Variants in MYO1E observed in about 807,000 individuals in gnomAD.
MYO1E encodes myosin IE, also known as unconventional myosin-Ie.
Under a neutral mutation model 151.1 loss-of-function variants are expected in MYO1E, and 68 were observed. That is an observed-to-expected ratio of 0.45 (90% CI 0.37 to 0.55). MYO1E has a LOEUF of 0.55. Among genes scored for constraint, MYO1E ranks in the 20% least tolerant of loss-of-function variants. MYO1E has a pLI of 0.00. For synonymous variants in MYO1E, 601 were observed against 501.7 expected, an observed-to-expected ratio of 1.20 and a Z score of -2.64; for missense variants, 1,363 against 1,389.3, an observed-to-expected ratio of 0.98 and a Z score of 0.30.
chr15:59,178,326 G>T, intron 19 of MYO1E, 67 bp downstream of exon 19: 6 of 1,581,324 alleles, frequency 3.8e-6, no homozygotes, highest in Non-Finnish European at 5.2e-6. Flanking sequence ...AGCCAGCTGA[G>T]GGGTGGAGCA....
chr15:59,215,826 A>G (rs1182853458), intron 10 of MYO1E, among the ~76,000 whole-genome samples: 1 of 152,116 alleles, frequency 6.6e-6, no homozygotes, highest in African/African-American at 2.4e-5. Flanking sequence ...CCAGCGCTGG[A>G]AGGTGCTCTG....
intron 5 of MYO1E, among the ~76,000 whole-genome samples, chr15:59,234,480 A>G (rs1317476367): frequency 3.9e-5 from 6 of 152,132 alleles, no homozygotes; most frequent in Non-Finnish European, 5.9e-5. Flanking sequence ...GTTTGGCTCT[A>G]CCTTAAGCTT....
At chr15:59,340,033 T>C (rs1339197391) in intron 1 of MYO1E, among the ~76,000 whole-genome samples, 1 of 152,108 alleles carries the variant, frequency 6.6e-6, no homozygotes, top group Admixed American at 6.6e-5. Flanking sequence ...TTGTTGTATT[T>C]TTAGTAGAGA....
intron 1 of MYO1E, among the ~76,000 whole-genome samples, chr15:59,274,727 T>C (rs999442174): frequency 1.3e-5 from 2 of 152,300 alleles, no homozygotes; most frequent in South Asian, 4.1e-4. Context: ...ATCAAACCCA[T>C]TGGTCTTTCT....
chr15:59,218,108 CAT>C (rs746955205), intron 9 of MYO1E, 21 bp from the exon 10 acceptor site: 74 of 1,612,914 alleles, frequency 4.6e-5, no homozygotes, highest in Non-Finnish European at 6.1e-5. Flanking sequence ...TAAAACAAAA[CAT>C]GACAATCTTT....
intron 1 of MYO1E, among the ~76,000 whole-genome samples, chr15:59,318,855 T>C (rs1297130971): frequency 2.0e-5 from 3 of 152,120 alleles, no homozygotes; most frequent in Non-Finnish European, 4.4e-5. Flanking sequence ...GAAGAGTAAA[T>C]TGCAAAGCTG....
chr15:59,138,047 T>C (rs2079383956), intron 27 of MYO1E, 151 bp downstream of exon 27: 3 of 910,920 alleles, frequency 3.3e-6, no homozygotes, highest in Admixed American at 1.7e-5. Context: ...AAAGCTGGTG[T>C]CTTGATCAGA....
intron 1 of MYO1E, among the ~76,000 whole-genome samples, chr15:59,333,912 T>A (rs2080712954): frequency 6.6e-6 from 1 of 152,136 alleles, no homozygotes; most frequent in Non-Finnish European, 1.5e-5. Flanking sequence ...GCCCAGGTAA[T>A]AGGGAAGCAC....
At chr15:59,160,880 A>C (rs1173131094) in intron 24 of MYO1E, among the ~76,000 whole-genome samples, 193 bp downstream of exon 24, 1 of 152,050 alleles carries the variant, frequency 6.6e-6, no homozygotes, top group Non-Finnish European at 1.5e-5. Flanking sequence ...GTCCCTCAGA[A>C]ACTTTTAACC....
At chr15:59,145,051 C>G (rs1469215656) in intron 26 of MYO1E, among the ~76,000 whole-genome samples, 10 of 152,094 alleles carry the variant, frequency 6.6e-5, no homozygotes, top group Admixed American at 3.9e-4. Flanking sequence ...CCATGTTGGT[C>G]AGGCTGGTCT....
chr15:59,363,930 C>G (rs1461075637), intron 1 of MYO1E, among the ~76,000 whole-genome samples: 1 of 152,008 alleles, frequency 6.6e-6, no homozygotes, highest in Non-Finnish European at 1.5e-5. Flanking sequence ...GCCCGCCACC[C>G]CACCCAGCTA....
chr15:59,207,144 T>C, intron 14 of MYO1E: 1 of 1,614,252 alleles, frequency 6.2e-7, no homozygotes, highest in Non-Finnish European at 8.5e-7. Context: ...AGCCCGTTCA[T>C]CACAGTAAGG....
intron 18 of MYO1E, among the ~76,000 whole-genome samples, chr15:59,179,123 C>G (rs1368817471): frequency 2.6e-5 from 4 of 152,126 alleles, no homozygotes; most frequent in Admixed American, 2.0e-4. Context: ...GCCCACCATG[C>G]CCTTTCCTTC....
chr15:59,262,549 G>A (rs949729737), intron 2 of MYO1E, among the ~76,000 whole-genome samples: 2 of 152,006 alleles, frequency 1.3e-5, no homozygotes, highest in African/African-American at 2.4e-5. Context: ...GATTGCTTGA[G>A]GCCAGGAGTC....
intron 2 of MYO1E, among the ~76,000 whole-genome samples, chr15:59,266,269 T>C (rs1458545604): frequency 6.6e-6 from 1 of 152,186 alleles, no homozygotes; most frequent in Non-Finnish European, 1.5e-5. Flanking sequence ...TTCGGATCAT[T>C]GTCTTTACCC....
At chr15:59,317,551 T>G (rs2080596884) in intron 1 of MYO1E, among the ~76,000 whole-genome samples, 1 of 143,772 alleles carries the variant, frequency 7.0e-6, no homozygotes, top group Admixed American at 6.7e-5. Context: ...AGGCCAAACC[T>G]AGTATGACTA....
intron 22 of MYO1E, 25 bp downstream of exon 22, chr15:59,171,872 C>T: frequency 6.2e-7 from 1 of 1,614,102 alleles, no homozygotes; most frequent in Non-Finnish European, 8.5e-7. Flanking sequence ...AGGGGCAGTC[C>T]TGCCTCTGCA....
At chr15:59,207,055 A>G in intron 14 of MYO1E, 5 of 1,614,166 alleles carry the variant, frequency 3.1e-6, no homozygotes, top group Non-Finnish European at 4.2e-6. Flanking sequence ...CATCCCGCTC[A>G]ACGGCACCTG....
chr15:59,362,894 A>T (rs1165156490), intron 1 of MYO1E, among the ~76,000 whole-genome samples: 1 of 152,158 alleles, frequency 6.6e-6, no homozygotes, highest in Non-Finnish European at 1.5e-5. Flanking sequence ...TTAAACAACT[A>T]AATCTCTGTT....
Sources: allele counts gnomAD v4.1 joint callset (sites outside exome capture counted in the v4.1 genomes callset), GRCh38; gene constraint gnomAD v4.1.1; transcripts MANE v1.5; gene names NCBI Gene and HGNC (gene_info 2026-07-23, HGNC 2026-07-21).